PRDM6: variants seen among roughly 807,000 people sequenced by gnomAD.
PRDM6 encodes the protein putative histone-lysine N-methyltransferase PRDM6.
Under a neutral mutation model 60.8 loss-of-function variants are expected in PRDM6, and 25 were observed. The ratio of observed to expected loss-of-function variants is 0.41; its 90% CI spans 0.30 to 0.57. The LOEUF (loss-of-function observed/expected upper bound fraction) is 0.57. Among genes scored for constraint, PRDM6 ranks in the 20% least tolerant of loss-of-function variants. The pLI is 0.27. For synonymous variants in PRDM6, 407 were observed against 357.4 expected (o/e 1.14, Z -1.57); for missense variants, 839 against 821.3 (o/e 1.02, Z -0.26).
At chr5:123,160,127 G>A (rs565653729) in intron 5 of PRDM6, among the ~76,000 whole-genome samples, 1 of 152,216 alleles carries the variant, frequency 6.6e-6, no homozygotes, top group Non-Finnish European at 1.5e-5. Flanking sequence ...TCATTTGCAT[G>A]AGAAATAATA....
intron 3 of PRDM6, among the ~76,000 whole-genome samples, chr5:123,118,551 T>A (rs1764508370): frequency 6.6e-6 from 1 of 152,218 alleles, no homozygotes; most frequent in Non-Finnish European, 1.5e-5. Context: ...CTCCCCTTCA[T>A]TTGGGCTGAT....
In PRDM6 at chr5:123,156,020, T is replaced by C; in HGVS notation, c.1028+9T>C. 1 of 1,547,934 alleles carries C rather than the reference T, an allele frequency of 6.5e-7. No homozygotes were observed. The highest frequency in any genetic ancestry group is 8.7e-7 in the Non-Finnish European group (1 of 1,145,276). On this transcript the variant is annotated intron_variant, in intron 4 of 7. Coordinates refer to ENST00000407847, the MANE Select transcript of PRDM6 (RefSeq NM_001136239.4). Reference sequence around the variant, plus strand: ...ACAGTAGTTCAGTACAGGTAAAGTATATCTTGATTTACCACCTACAGAGCT... The same window carrying C: ...ACAGTAGTTCAGTACAGGTAAAGTACATCTTGATTTACCACCTACAGAGCT...
intron 5 of PRDM6, among the ~76,000 whole-genome samples, chr5:123,169,075 C>G (rs1765825555): frequency 6.6e-6 from 1 of 152,348 alleles, no homozygotes; most frequent in South Asian, 2.1e-4. Flanking sequence ...TGGCCATAGT[C>G]TGCATTATTT....
At chr5:123,101,080 G>C (rs1764093044) in intron 3 of PRDM6, among the ~76,000 whole-genome samples, 1 of 152,152 alleles carries the variant, frequency 6.6e-6, no homozygotes, top group African/African-American at 2.4e-5. Context: ...TGGCTTGCTG[G>C]CCTGTCAAAA....
chr5:123,090,316 C>T lies in PRDM6; in HGVS notation c.302C>T (p.Ala101Val), dbSNP rs1763796435. Reference sequence around the variant, plus strand: ...GCCTCCTCCTGCGCTGCTGCGGCCGCTGCCGCCGCGCTGGCTGGTCTCTCG... The same window carrying T: ...GCCTCCTCCTGCGCTGCTGCGGCCGTTGCCGCCGCGCTGGCTGGTCTCTCG... Reference protein sequence around the residue: ...SSASSCAAAAAAAALAGLSAL... With the variant: ...SSASSCAAAAVAAALAGLSAL... Residue 101 changes from alanine (A) to valine (V), a missense_variant, in exon 2 of 8, where the codon GCT becomes GTT. By Grantham distance (64) the Ala-to-Val change is moderately conservative. This residue lies in a region of PRDM6 where 730 missense variants were observed against 648.8 expected (regional missense o/e 1.13). Transcript: ENST00000407847. The T allele has an allele frequency of 4.1e-6, 6 of 1,480,286 alleles. No homozygotes were observed. The highest frequency in any genetic ancestry group is 5.4e-6 in the Non-Finnish European group (6 of 1,117,798). The allele number at this position is 1,480,286 out of a possible 1,614,324, so 91.7% of individuals were successfully genotyped here.
At chr5:123,089,929 T>G (rs1580468231) in intron 1 of PRDM6, 71 bp from the exon 2 acceptor site, 1 of 1,156,182 alleles carries the variant, frequency 8.6e-7, no homozygotes, top group Middle Eastern at 2.7e-4. Context: ...TTCTCCAGGG[T>G]CCCAGTGGCC....
chr5:123,131,301 T>G (rs1764829276), intron 3 of PRDM6, among the ~76,000 whole-genome samples: 1 of 152,138 alleles, frequency 6.6e-6, no homozygotes, highest in African/African-American at 2.4e-5. Context: ...GAATTTATTG[T>G]GTATTTCAAA....
intron 3 of PRDM6, among the ~76,000 whole-genome samples, chr5:123,120,845 T>A (rs1764563700): frequency 6.6e-6 from 1 of 152,226 alleles, no homozygotes; most frequent in African/African-American, 2.4e-5. Flanking sequence ...GTGAGCATAT[T>A]TGGACATGTT....
At chr5:123,108,557 T>C (rs1764243364) in intron 3 of PRDM6, among the ~76,000 whole-genome samples, 1 of 152,088 alleles carries the variant, frequency 6.6e-6, no homozygotes, top group Admixed American at 6.5e-5. Flanking sequence ...TTTCTGGGGA[T>C]AAGAGTCCTG....
chr5:123,146,469 T>G (rs1765241046), intron 3 of PRDM6, among the ~76,000 whole-genome samples: 1 of 152,214 alleles, frequency 6.6e-6, no homozygotes, highest in South Asian at 2.1e-4. Context: ...TAGGATTATT[T>G]TAACAAAATA....
In PRDM6 at chr5:123,193,553, C is replaced by CA. The variant is rs1766469983; in HGVS notation, c.*6356dup. ...GAAAATGTATAGCAAAAGCCAGAGG[C>CA]AAAATTATTCTCCTTAGCAGTTCTA... On this transcript the variant is annotated 3_prime_UTR_variant, in exon 8 of 8. Transcript: ENST00000407847. The CA allele has an allele frequency of 6.6e-6, 1 of 152,132 alleles. No homozygotes were observed. Among genetic ancestry groups the CA allele is most frequent in the Non-Finnish European group, 1.5e-5 (1 of 68,032 alleles). 9.4% of individuals were successfully genotyped at this position (152,132 alleles called of 1,614,324 possible). A position where few individuals can be genotyped will look rare whatever the true frequency, so the allele number is the denominator to read the frequency against.
chr5:123,165,239 C>T (rs897866135), intron 5 of PRDM6, among the ~76,000 whole-genome samples: 1 of 152,184 alleles, frequency 6.6e-6, no homozygotes, highest in East Asian at 1.9e-4. Flanking sequence ...CCAACTAAAC[C>T]TGCGTAAAAC....
At chr5:123,141,121 C>T (rs1212091347) in intron 3 of PRDM6, among the ~76,000 whole-genome samples, 1 of 151,524 alleles carries the variant, frequency 6.6e-6, no homozygotes, top group Admixed American at 6.6e-5. Context: ...AAATTATATC[C>T]CAACTCAACA....
At chr5:123,149,814 A>G (rs1335068102) in intron 3 of PRDM6, among the ~76,000 whole-genome samples, 2 of 152,210 alleles carry the variant, frequency 1.3e-5, no homozygotes, top group African/African-American at 4.8e-5. Context: ...ATGTCATTCC[A>G]AATCTTTTTC....
intron 5 of PRDM6, among the ~76,000 whole-genome samples, chr5:123,164,942 C>T (rs916826618): frequency 2.0e-5 from 3 of 152,126 alleles, no homozygotes; most frequent in African/African-American, 7.2e-5. Flanking sequence ...AGGACTGTTC[C>T]CTTGCCTCAA....
intron 3 of PRDM6, among the ~76,000 whole-genome samples, chr5:123,113,567 G>A (rs536446754): frequency 3.7e-4 from 57 of 152,288 alleles, no homozygotes; most frequent in African/African-American, 1.3e-3. Flanking sequence ...GCCCAAGGCC[G>A]TATGTAGTAA....
intron 3 of PRDM6, among the ~76,000 whole-genome samples, chr5:123,109,207 C>A (rs200104783): frequency 1.3e-5 from 2 of 150,550 alleles, no homozygotes; most frequent in African/African-American, 4.9e-5. Flanking sequence ...AAAAAAAGAT[C>A]AAGTATCTTT....
intron 3 of PRDM6, among the ~76,000 whole-genome samples, chr5:123,129,671 A>G (rs958165409): frequency 1.3e-5 from 2 of 152,224 alleles, no homozygotes; most frequent in African/African-American, 4.8e-5. Context: ...TCTATCCTAA[A>G]TTCACTGAAT....
intron 2 of PRDM6, among the ~76,000 whole-genome samples, chr5:123,096,333 T>C (rs1763959163): frequency 6.6e-6 from 1 of 152,070 alleles, no homozygotes; most frequent in African/African-American, 2.4e-5. Flanking sequence ...GGTCCTCTCA[T>C]ATAGCCTGCT....
Sources: gnomAD v4.1 joint callset for allele counts (sites outside exome capture counted in the v4.1 genomes callset) on GRCh38, gnomAD v4.1.1 for gene constraint, gnomAD v4.1.1 regional missense constraint, MANE v1.5 for transcripts, NCBI Gene and HGNC (gene_info 2026-07-23, HGNC 2026-07-21) for gene names.